PAX5: variants seen among roughly 807,000 people sequenced by gnomAD.
PAX5 encodes the protein paired box protein Pax-5.
In PAX5, 9 loss-of-function variants were observed where a neutral mutation model predicts 43.7. The ratio of observed to expected loss-of-function variants is 0.21; its 90% CI spans 0.12 to 0.36. The LOEUF (loss-of-function observed/expected upper bound fraction) is 0.36. PAX5 is among the 10% of genes least tolerant of loss of function. The pLI, the probability that PAX5 is intolerant of heterozygous loss-of-function variation, is 1.00. For missense variants in PAX5, 383 were observed against 532.7 expected (o/e 0.72, Z 2.77); for synonymous variants, 228 against 214.3 (o/e 1.06, Z -0.56).
intron 8 of PAX5, among the ~76,000 whole-genome samples, chr9:36,855,304 T>C (rs1453961217): frequency 6.6e-6 from 1 of 152,234 alleles, no homozygotes; most frequent in Non-Finnish European, 1.5e-5. Context: ...TCTAGATCTG[T>C]TGTACTTGCC....
At chr9:36,904,584 A>AT (rs1174143897) in intron 7 of PAX5, among the ~76,000 whole-genome samples, 5 of 151,394 alleles carry the variant, frequency 3.3e-5, no homozygotes, top group South Asian at 2.1e-4. Context: ...TTAGAGAGAG[A>AT]TTTTTTTCCT....
intron 5 of PAX5, among the ~76,000 whole-genome samples, chr9:36,986,186 G>T (rs957734827): frequency 3.3e-5 from 5 of 151,628 alleles, no homozygotes; most frequent in African/African-American, 1.2e-4. Flanking sequence ...GGCATCCGTT[G>T]TTAGCATAAC....
intron 6 of PAX5, among the ~76,000 whole-genome samples, chr9:36,925,464 C>T (rs936675731): frequency 2.0e-5 from 3 of 152,046 alleles, no homozygotes; most frequent in African/African-American, 7.3e-5. Context: ...GATAAATAGG[C>T]CAATGAAACA....
intron 7 of PAX5, among the ~76,000 whole-genome samples, chr9:36,904,455 G>C (rs1388038935): frequency 6.6e-6 from 1 of 152,176 alleles, no homozygotes; most frequent in Non-Finnish European, 1.5e-5. Flanking sequence ...ACAGGCAGCA[G>C]GTGCCCCTAA....
chr9:36,990,351 G>C (rs1276437859), intron 5 of PAX5, among the ~76,000 whole-genome samples: 1 of 152,208 alleles, frequency 6.6e-6, no homozygotes, highest in Non-Finnish European at 1.5e-5. Flanking sequence ...AAACAGGACA[G>C]AGCATGTGGT....
intron 5 of PAX5, among the ~76,000 whole-genome samples, chr9:36,977,040 A>T (rs192078335): frequency 2.0e-5 from 3 of 152,212 alleles, no homozygotes; most frequent in African/African-American, 7.2e-5. Flanking sequence ...CCCGTCCCCT[A>T]CTGGAGGATG....
chr9:36,866,406 G>C (rs1563910234), intron 8 of PAX5, among the ~76,000 whole-genome samples: 1 of 152,168 alleles, frequency 6.6e-6, no homozygotes, highest in Non-Finnish European at 1.5e-5. Context: ...GACCAACCTC[G>C]GCCAGACCTG....
intron 5 of PAX5, among the ~76,000 whole-genome samples, chr9:36,985,898 T>G (rs1836357501): frequency 6.6e-6 from 1 of 152,228 alleles, no homozygotes; most frequent in Non-Finnish European, 1.5e-5. Context: ...GAACCCCCAC[T>G]CAGGCTCGGG....
intron 3 of PAX5, among the ~76,000 whole-genome samples, 187 bp from the exon 4 acceptor site, chr9:37,006,724 A>T (rs1838430476): frequency 6.6e-6 from 1 of 152,198 alleles, no homozygotes; most frequent in Non-Finnish European, 1.5e-5. Context: ...AGGTTTATGG[A>T]CTAGTCCCAA....
At chr9:36,895,180 G>A (rs1174487508) in intron 7 of PAX5, among the ~76,000 whole-genome samples, 1 of 152,256 alleles carries the variant, frequency 6.6e-6, no homozygotes, top group East Asian at 1.9e-4. Context: ...CGGAAGACGA[G>A]AGGCGCAGAG....
intron 7 of PAX5, among the ~76,000 whole-genome samples, chr9:36,897,500 A>G (rs1002518943): frequency 5.9e-5 from 9 of 152,148 alleles, no homozygotes; most frequent in Admixed American, 1.3e-4. Context: ...ACACACACAC[A>G]CATACACACA....
chr9:36,959,705 A>G (rs1036632511), intron 6 of PAX5, among the ~76,000 whole-genome samples: 3 of 152,220 alleles, frequency 2.0e-5, no homozygotes, highest in Non-Finnish European at 4.4e-5. Context: ...AGCTGCTTGC[A>G]TGATCAAATT....
At chr9:36,897,125 G>C (rs547214950) in intron 7 of PAX5, among the ~76,000 whole-genome samples, 1 of 152,318 alleles carries the variant, frequency 6.6e-6, no homozygotes, top group East Asian at 1.9e-4. Context: ...GCTGCCTCCT[G>C]TGAGCCTGGA....
At chr9:36,913,314 A>T (rs971583477) in intron 7 of PAX5, among the ~76,000 whole-genome samples, 1 of 152,222 alleles carries the variant, frequency 6.6e-6, no homozygotes, top group African/African-American at 2.4e-5. Flanking sequence ...TCCTCCTCAC[A>T]TGCCAACTTA....
intron 6 of PAX5, among the ~76,000 whole-genome samples, chr9:36,946,909 G>A (rs1010039282): frequency 1.3e-5 from 2 of 152,110 alleles, no homozygotes; most frequent in African/African-American, 4.8e-5. Context: ...ACTCAGCCAC[G>A]TGCAGGGCCA....
At chr9:36,855,156 A>G (rs1205255518) in intron 8 of PAX5, among the ~76,000 whole-genome samples, 2 of 152,258 alleles carry the variant, frequency 1.3e-5, no homozygotes, top group Admixed American at 1.3e-4. Flanking sequence ...CACAGGGCAC[A>G]GGTCCGACTC....
intron 5 of PAX5, among the ~76,000 whole-genome samples, chr9:36,993,976 C>G (rs946403193): frequency 2.6e-5 from 4 of 152,148 alleles, no homozygotes; most frequent in African/African-American, 9.7e-5. Flanking sequence ...ACCAGGTGCA[C>G]AAACAGAGAG....
intron 7 of PAX5, among the ~76,000 whole-genome samples, chr9:36,893,792 C>T (rs185378502): frequency 1.3e-3 from 202 of 152,308 alleles, no homozygotes; most frequent in African/African-American, 4.8e-3. Context: ...GCAGAGCCTT[C>T]GCTACTGTAT....
At chr9:36,912,192 C>A (rs997173441) in intron 7 of PAX5, among the ~76,000 whole-genome samples, 1 of 152,214 alleles carries the variant, frequency 6.6e-6, no homozygotes, top group Non-Finnish European at 1.5e-5. Flanking sequence ...TTGTCTTATG[C>A]CCCCAGGGCA....
Sources: allele counts gnomAD v4.1 joint callset (sites outside exome capture counted in the v4.1 genomes callset), GRCh38; gene constraint gnomAD v4.1.1; transcripts MANE v1.5; gene names NCBI Gene and HGNC (gene_info 2026-07-23, HGNC 2026-07-21).